IPP: variants seen among roughly 807,000 people sequenced by gnomAD.
IPP encodes actin-binding protein IPP.
Under a neutral mutation model 64.1 loss-of-function variants are expected in IPP, and 41 were observed. That is an observed-to-expected ratio of 0.64 (90% confidence interval 0.50 to 0.83). IPP has a LOEUF of 0.83. Ranked by LOEUF, IPP falls within the 40% of genes least tolerant of loss-of-function variation. IPP has a pLI of 0.00. For missense variants in IPP, 649 were observed against 703.0 expected (o/e 0.92, Z 0.87); for synonymous variants, 214 against 235.2 (o/e 0.91, Z 0.83).
At chr1:45,723,817 C>T (rs189473193) in intron 5 of IPP, among the ~76,000 whole-genome samples, 22 of 151,616 alleles carry the variant, frequency 1.5e-4, no homozygotes, top group African/African-American at 5.1e-4. Context: ...CCCTGGCCCA[C>T]TAAAAAATAA....
chr1:45,715,416 C>T (rs1424433157), intron 7 of IPP, among the ~76,000 whole-genome samples: 1 of 151,824 alleles, frequency 6.6e-6, no homozygotes, highest in Non-Finnish European at 1.5e-5. Flanking sequence ...CCAAGGTGGG[C>T]AGATGACGAG....
At chr1:45,721,670 T>G (rs1201817230) in intron 5 of IPP, among the ~76,000 whole-genome samples, 1 of 152,246 alleles carries the variant, frequency 6.6e-6, no homozygotes, top group Non-Finnish European at 1.5e-5. Context: ...AGCAAATCAC[T>G]AAAACTGGGA....
At position 45,719,285 on chromosome 1, in the gene IPP, T is replaced by C; in HGVS notation, c.1104A>G (p.Lys368=). ...DCTECYDPVT[K]QWTTVASMNH... Reference sequence around the variant, plus strand: ...TCATCGAAGCTACAGTTGTCCACTGTTTAGTAACTGGATCATAGCATTCAG... The same window carrying C: ...TCATCGAAGCTACAGTTGTCCACTGCTTAGTAACTGGATCATAGCATTCAG... The change falls in exon 6 of 9, where the codon AAA becomes AAG. Residue 368 remains lysine, a synonymous_variant. Transcript: ENST00000396478. 1 of 1,612,732 alleles carries C rather than the reference T, an allele frequency of 6.2e-7. No homozygotes were observed. Among genetic ancestry groups the C allele is most frequent in the East Asian group, 2.2e-5 (1 of 44,866 alleles).
At chr1:45,735,272 C>CA (rs1228053547) in intron 3 of IPP, among the ~76,000 whole-genome samples, 1 of 151,442 alleles carries the variant, frequency 6.6e-6, no homozygotes, top group Non-Finnish European at 1.5e-5. Context: ...TTAGTAGAGA[C>CA]AGAGTTTCAC....
chr1:45,746,478 A>G lies in IPP; in HGVS notation c.-50-17T>C. 1 of 1,325,170 alleles carries G rather than the reference A, an allele frequency of 7.5e-7. No individual in the cohort carries two copies. Among genetic ancestry groups the G allele is most frequent in the Non-Finnish European group, 1.0e-6 (1 of 954,148 alleles). The allele number at this position is 1,325,170 out of a possible 1,614,324, so 82.1% of individuals were successfully genotyped here. ...GTTACTACCCTGAAAAACAAAATAC[A>G]AAGAGATCAAGCAACAAAATTTTTT... On this transcript the variant is annotated splice_polypyrimidine_tract_variant and intron_variant, in intron 1 of 8. Transcript: ENST00000396478.
intron 1 of IPP, among the ~76,000 whole-genome samples, chr1:45,750,007 C>G (rs1490556073): frequency 6.6e-6 from 1 of 151,916 alleles, no homozygotes; most frequent in Non-Finnish European, 1.5e-5. Flanking sequence ...GAGTTGTGAT[C>G]GCACCACTGC....
rs78627575 is a variant in IPP, at chr1:45,698,717, CTTTTTTTTTTT to C, written c.*1238_*1248del. 51 of 744,288 alleles carry C rather than the reference CTTTTTTTTTTT, an allele frequency of 6.9e-5. No individual in the cohort carries two copies. Among genetic ancestry groups the C allele is most frequent in the Middle Eastern group, 6.7e-4 (1 of 1,492 alleles). 46.1% of individuals were successfully genotyped at this position (744,288 alleles called of 1,614,324 possible). On this transcript the variant is annotated 3_prime_UTR_variant, in exon 9 of 9. Transcript: ENST00000396478. ...AGCAAAAAAGGAAGAATTTTTTTTTCTTTTTTTTTTTTTTTTTTTGAGACAGGTTCTCATGC... is the reference window on the plus strand; with the variant it reads ...AGCAAAAAAGGAAGAATTTTTTTTTCTTTTTTTTGAGACAGGTTCTCATGC...
In IPP at chr1:45,727,816, A is replaced by C; in HGVS notation, c.881-18T>G. 2 of 1,491,618 alleles carry C rather than the reference A, an allele frequency of 1.3e-6. No individual in the cohort carries two copies. The highest frequency in any genetic ancestry group is 1.8e-6 in the Non-Finnish European group (2 of 1,102,292). The allele number at this position is 1,491,618 out of a possible 1,614,324, so 92.4% of individuals were successfully genotyped here. The stretch of plus-strand genomic sequence containing the variant: ...ATATCCACCTAAACAAAAGAAGAAA[A>C]GGTAGTAATGAAAATCTACTGTTCT... On this transcript the variant is annotated intron_variant, in intron 4 of 8. Coordinates refer to ENST00000396478, the MANE Select transcript of IPP (RefSeq NM_005897.3).
In IPP at chr1:45,699,710, T is replaced by C; in HGVS notation, c.*256A>G. On this transcript the variant is annotated 3_prime_UTR_variant, in exon 9 of 9. Coordinates refer to ENST00000396478, the MANE Select transcript of IPP (RefSeq NM_005897.3). ...CAGGATCTCATTCTGTTGCCCAGAG[T>C]GGAGTGCAGTGGCATGATCGTAGCT... 1 of 1,123,730 alleles carries C rather than the reference T, an allele frequency of 8.9e-7. No individual in the cohort carries two copies. Among genetic ancestry groups the C allele is most frequent in the Non-Finnish European group, 1.1e-6 (1 of 875,470 alleles). 69.6% of individuals were successfully genotyped at this position (1,123,730 alleles called of 1,614,324 possible).
At chr1:45,747,169 G>A (rs1646149272) in intron 1 of IPP, among the ~76,000 whole-genome samples, 1 of 151,996 alleles carries the variant, frequency 6.6e-6, no homozygotes, top group South Asian at 2.1e-4. Flanking sequence ...TTTAAAGGCA[G>A]GTACTATCTT....
At chr1:45,728,452 T>C (rs1178345301) in intron 4 of IPP, among the ~76,000 whole-genome samples, 1 of 152,060 alleles carries the variant, frequency 6.6e-6, no homozygotes, top group Non-Finnish European at 1.5e-5. Context: ...TGTATCAATA[T>C]GCTATATATT....
Position 45,741,920 on chromosome 1 carries a change from G to A in IPP, c.293-588C>T, listed in dbSNP as rs1394343148. 7.7e-5 allele frequency among the ~76,000 whole-genome samples: 6 copies of A among 78,002 alleles called. 1 individual carries two copies. The highest frequency in any genetic ancestry group is 1.2e-4 in the Non-Finnish European group (4 of 33,564). 51.2% of individuals were successfully genotyped at this position (78,002 alleles called of 152,430 possible). ...TGGGATTACAGGCGTGAGCCACCGC[G>A]CCCAGCCTTATTTTCATATTAAAGA... On this transcript the variant is annotated intron_variant, in intron 2 of 8. Coordinates refer to ENST00000396478, the MANE Select transcript of IPP (RefSeq NM_005897.3).
At chr1:45,738,757 G>A (rs1484185915) in intron 3 of IPP, among the ~76,000 whole-genome samples, 1 of 148,248 alleles carries the variant, frequency 6.7e-6, no homozygotes, top group Non-Finnish European at 1.5e-5. Flanking sequence ...GGAGAATGGT[G>A]TGAACCCAGG....
At chr1:45,740,556 C>T (rs547721518) in intron 3 of IPP, among the ~76,000 whole-genome samples, 1 of 152,130 alleles carries the variant, frequency 6.6e-6, no homozygotes, top group African/African-American at 2.4e-5. Context: ...GGGGCTGACC[C>T]CCCCTAGGAA....
At chr1:45,722,368 T>A (rs1645745158) in intron 5 of IPP, among the ~76,000 whole-genome samples, 2 of 151,608 alleles carry the variant, frequency 1.3e-5, no homozygotes, top group South Asian at 4.2e-4. Context: ...CTGGCCAACA[T>A]GGTGAAACCC....
chr1:45,700,334 C>CT lies in IPP; in HGVS notation c.1531-145dup, dbSNP rs943435303. ...CAGGTAAGCATACAGATTTTTTTTTCTTTTTTTTGCTTTGTTTTTTCCTTG... is the reference window on the plus strand; with the variant it reads ...CAGGTAAGCATACAGATTTTTTTTTCTTTTTTTTTGCTTTGTTTTTTCCTTG... On this transcript the variant is annotated intron_variant, in intron 8 of 8. Transcript: ENST00000396478. The CT allele has an allele frequency of 5.2e-4, 612 of 1,178,128 alleles. 3 individuals carry two copies. The African/African-American group carries it at 6.5e-3, about 13-fold the overall frequency. The allele number at this position is 1,178,128 out of a possible 1,614,324, so 73.0% of individuals were successfully genotyped here. A position where few individuals can be genotyped will look rare whatever the true frequency, so the allele number is the denominator to read the frequency against.
Position 45,725,467 on chromosome 1 carries a change from G to A in IPP, c.1048+2164C>T, listed in dbSNP as rs1645809136. 2.1e-5 allele frequency among the ~76,000 whole-genome samples: 3 copies of A among 143,068 alleles called. No individual in the cohort carries two copies. The South Asian group carries it at 7.1e-4, about 34-fold the overall frequency. 93.9% of individuals were successfully genotyped at this position (143,068 alleles called of 152,430 possible). ...GCCGCCCCATCCGGGAGGGAGGTGG[G>A]GGTGTCAGCCCCCCGCCCGGCCAGC... On this transcript the variant is annotated intron_variant, in intron 5 of 8. Transcript: ENST00000396478.
At chr1:45,725,113 A>AG (rs1216827789) in intron 5 of IPP, among the ~76,000 whole-genome samples, 3 of 18,522 alleles carry the variant, frequency 1.6e-4, no homozygotes, top group African/African-American at 2.1e-4. Flanking sequence ...GGGAGGGGGG[A>AG]GGGGGGGTCA....
At chr1:45,708,515 G>A (rs932014212) in intron 8 of IPP, among the ~76,000 whole-genome samples, 2 of 143,506 alleles carry the variant, frequency 1.4e-5, no homozygotes, top group Non-Finnish European at 3.1e-5. Context: ...CCCGTCTTTA[G>A]GAATAACACA....
Sources: gnomAD v4.1 joint callset for allele counts (sites outside exome capture counted in the v4.1 genomes callset) on GRCh38, gnomAD v4.1.1 for gene constraint, MANE v1.5 for transcripts, NCBI Gene and HGNC (gene_info 2026-07-23, HGNC 2026-07-21) for gene names.